MPHOSPH8: variants seen among roughly 807,000 people sequenced by gnomAD.
MPHOSPH8 encodes the protein M-phase phosphoprotein 8.
MPHOSPH8 carries 45 observed loss-of-function variants against 87.3 expected under a neutral mutation model. The ratio of observed to expected loss-of-function variants is 0.52; its 90% confidence interval spans 0.41 to 0.66. The LOEUF is 0.66. MPHOSPH8 is among the 30% of genes least tolerant of loss of function. The probability of loss-of-function intolerance (pLI) is 0.00; values close to 1 mark genes in which losing one functional copy is unlikely to be tolerated. For synonymous variants in MPHOSPH8, 366 were observed against 376.9 expected (o/e 0.97, Z 0.33); for missense variants, 883 against 1,020.2 (o/e 0.87, Z 1.83).
chr13:19,665,230 TTAAG>T (rs1248592489), intron 9 of MPHOSPH8, among the ~76,000 whole-genome samples: 1 of 152,192 alleles, frequency 6.6e-6, no homozygotes, highest in South Asian at 2.1e-4. Context: ...TGAGGTTTAT[TTAAG>T]TGTTTGTTCC....
chr13:19,668,998 G>C (rs1229414314), intron 11 of MPHOSPH8, among the ~76,000 whole-genome samples: 1 of 152,192 alleles, frequency 6.6e-6, no homozygotes, highest in African/African-American at 2.4e-5. Context: ...GTGGCGCCAG[G>C]TAGACGTGGA....
intron 11 of MPHOSPH8, 91 bp from the exon 12 acceptor site, chr13:19,670,145 G>C: frequency 1.5e-5 from 22 of 1,500,348 alleles, no homozygotes; most frequent in Non-Finnish European, 2.0e-5. Context: ...ACCAGGCCCA[G>C]CTCAGGGGCC....
intron 3 of MPHOSPH8, among the ~76,000 whole-genome samples, chr13:19,647,953 G>GAAC (rs1363689394): frequency 6.6e-6 from 1 of 152,070 alleles, no homozygotes; most frequent in Non-Finnish European, 1.5e-5. Context: ...CAGCAAAATA[G>GAAC]AACAACTTAG....
intron 1 of MPHOSPH8, among the ~76,000 whole-genome samples, chr13:19,634,761 TG>T (rs1402179360): frequency 6.6e-6 from 1 of 152,232 alleles, no homozygotes; most frequent in Non-Finnish European, 1.5e-5. Flanking sequence ...CTGCTATATG[TG>T]GTCTCCTTTA....
At chr13:19,655,842 C>G (rs950788059) in intron 5 of MPHOSPH8, among the ~76,000 whole-genome samples, 5 of 152,128 alleles carry the variant, frequency 3.3e-5, no homozygotes, top group African/African-American at 1.2e-4. Flanking sequence ...GTCACCCAGG[C>G]GGGATGCCTC....
chr13:19,641,648 A>G (rs1218680031), intron 1 of MPHOSPH8, among the ~76,000 whole-genome samples: 7 of 151,458 alleles, frequency 4.6e-5, no homozygotes, highest in African/African-American at 1.7e-4. Context: ...GCCCACCACC[A>G]CACCCAGCTA....
At chr13:19,636,678 G>T (rs1469499499) in intron 1 of MPHOSPH8, among the ~76,000 whole-genome samples, 1 of 151,950 alleles carries the variant, frequency 6.6e-6, no homozygotes, top group Non-Finnish European at 1.5e-5. Context: ...GTCTCCCTAC[G>T]TTGCCCATGC....
intron 5 of MPHOSPH8, among the ~76,000 whole-genome samples, chr13:19,656,683 C>A (rs971376140): frequency 6.6e-6 from 1 of 151,858 alleles, no homozygotes; most frequent in Non-Finnish European, 1.5e-5. Context: ...TCGCTTCAAC[C>A]GGGAAGGCGG....
intron 4 of MPHOSPH8, among the ~76,000 whole-genome samples, chr13:19,649,392 T>C (rs949040699): frequency 2.6e-5 from 4 of 152,266 alleles, no homozygotes; most frequent in South Asian, 2.1e-4. Flanking sequence ...GAGTCCAGTT[T>C]TCAATATTCC....
intron 5 of MPHOSPH8, among the ~76,000 whole-genome samples, chr13:19,656,092 A>C (rs1875148603): frequency 6.6e-6 from 1 of 151,828 alleles, no homozygotes; most frequent in African/African-American, 2.4e-5. Flanking sequence ...CAAGAGCAAA[A>C]CTCCGTCTCA....
rs760409726 is a variant in MPHOSPH8, at chr13:19,646,790, G to A, written c.717G>A (p.Lys239=). The A allele has an allele frequency of 3.2e-6, 5 of 1,580,356 alleles. No homozygotes were observed. The African/African-American group carries it at 6.9e-5, about 22-fold the overall frequency. Residue 239 remains lysine (K), a synonymous_variant, in exon 3 of 14, where the codon AAG becomes AAA. Coordinates refer to ENST00000361479, the MANE Select transcript of MPHOSPH8 (RefSeq NM_017520.4). Reference sequence around the variant, plus strand: ...AAAAGGGTGAAATAAGAGATTTAAAGACGAAAACAAGAGAAGATCCCAAAG... The same window carrying A: ...AAAAGGGTGAAATAAGAGATTTAAAAACGAAAACAAGAGAAGATCCCAAAG... The part of the protein sequence containing the change: ...KVKKGEIRDL[K]TKTREDPKEN...
At chr13:19,645,190 C>T (rs1874501752) in intron 2 of MPHOSPH8, among the ~76,000 whole-genome samples, 1 of 152,160 alleles carries the variant, frequency 6.6e-6, no homozygotes, top group South Asian at 2.1e-4. Flanking sequence ...CTCTCTCAGG[C>T]AGCAGCAGCC....
Position 19,663,101 on chromosome 13 carries a change from G to C in MPHOSPH8, c.1994G>C (p.Ser665Thr), listed in dbSNP as rs1318410942. 6.2e-7 allele frequency: 1 copy of C among 1,613,852 alleles called. No individual in the cohort carries two copies. The highest frequency in any genetic ancestry group is 8.5e-7 in the Non-Finnish European group (1 of 1,179,698). Residue 665 changes from serine (S) to threonine (T), a missense_variant, in exon 9 of 14, where the codon AGC becomes ACC. Physicochemically the swap from Ser to Thr is moderately conservative, Grantham distance 58 (BLOSUM62 1). Around this residue, in one of 3 missense-constraint regions of MPHOSPH8, gnomAD observed 741 missense variants for 841.5 expected, o/e 0.88. Transcript: ENST00000361479. ...EAGAFVNVQQ[S>T]NGETALMKAC... ...GGAGCTTTTGTAAATGTCCAGCAAA[G>C]CAATGGTGAGACTGCACTGATGAAG...
Position 19,672,035 on chromosome 13 carries a change from T to C in MPHOSPH8, c.*160T>C. 1.5e-6 allele frequency: 1 copy of C among 687,984 alleles called. No individual in the cohort carries two copies. The highest frequency in any genetic ancestry group is 2.5e-6 in the Non-Finnish European group (1 of 401,450). 42.6% of individuals were successfully genotyped at this position (687,984 alleles called of 1,614,324 possible). ...TGTAGTCTGTAAGATGCGACATAGC[T>C]GTGTCTGTGCCAGTATGCCGGAATC... On this transcript the variant is annotated 3_prime_UTR_variant, in exon 14 of 14. Transcript: ENST00000361479.
At position 19,672,424 on chromosome 13, in the gene MPHOSPH8, A is replaced by C. The variant is rs1056893446; in HGVS notation, c.*549A>C. On this transcript the variant is annotated 3_prime_UTR_variant, in exon 14 of 14. Transcript: ENST00000361479. ...CTCCCAAAGTGCTTGGATTACAGGCATGAGCCACCGCACCCAGCAAGAGTT... is the reference window on the plus strand; with the variant it reads ...CTCCCAAAGTGCTTGGATTACAGGCCTGAGCCACCGCACCCAGCAAGAGTT... 6.6e-6 allele frequency: 1 copy of C among 152,388 alleles called. No individual in the cohort carries two copies. The highest frequency in any genetic ancestry group is 1.5e-5 in the Non-Finnish European group (1 of 68,506). The allele number at this position is 152,388 out of a possible 1,614,324, so 9.4% of individuals were successfully genotyped here. A position where few individuals can be genotyped will look rare whatever the true frequency, so the allele number is the denominator to read the frequency against.
chr13:19,637,377 A>G (rs902908769), intron 1 of MPHOSPH8, among the ~76,000 whole-genome samples: 1 of 152,172 alleles, frequency 6.6e-6, no homozygotes, highest in Admixed American at 6.5e-5. Flanking sequence ...ACCTTCACCC[A>G]GATTCTCTAG....
At chr13:19,654,327 A>G (rs1010165310) in intron 5 of MPHOSPH8, among the ~76,000 whole-genome samples, 4 of 152,000 alleles carry the variant, frequency 2.6e-5, no homozygotes, top group Non-Finnish European at 5.9e-5. Flanking sequence ...AGGGCCTGTC[A>G]GGGGGTAGGG....
At chr13:19,667,695 C>A (rs1413166600) in intron 10 of MPHOSPH8, among the ~76,000 whole-genome samples, 1 of 152,140 alleles carries the variant, frequency 6.6e-6, no homozygotes, top group East Asian at 1.9e-4. Context: ...CTGTTTAGCA[C>A]TGACTAATAT....
chr13:19,649,571 A>G (rs537664983), intron 4 of MPHOSPH8, among the ~76,000 whole-genome samples: 54 of 152,324 alleles, frequency 3.5e-4, no homozygotes, highest in African/African-American at 1.3e-3. Context: ...TACCAGGTAC[A>G]CAGGCAGTGC....
Sources: allele counts gnomAD v4.1 joint callset (sites outside exome capture counted in the v4.1 genomes callset), GRCh38; gene constraint gnomAD v4.1.1; regional missense constraint gnomAD v4.1.1; transcripts MANE v1.5; gene names NCBI Gene and HGNC (gene_info 2026-07-23, HGNC 2026-07-21).